LZTFL1: variants seen among roughly 807,000 people sequenced by gnomAD.
LZTFL1 encodes leucine zipper transcription factor like 1.
A neutral mutation model predicts 45.9 loss-of-function variants in LZTFL1; 25 were observed. That is an observed-to-expected ratio of 0.54 (90% CI 0.40 to 0.76). The LOEUF is 0.76. Among genes scored for constraint, LZTFL1 ranks in the 30% least tolerant of loss-of-function variants. The pLI, the probability that LZTFL1 is intolerant of heterozygous loss-of-function variation, is 0.00. For synonymous variants in LZTFL1, 93 were observed against 117.4 expected, an observed-to-expected ratio of 0.79 and a Z score of 1.35; for missense variants, 277 against 331.1, an observed-to-expected ratio of 0.84 and a Z score of 1.27.
In LZTFL1 at chr3:45,823,355, T is replaced by C. The variant is rs143077829; in HGVS notation, c.*2959A>G. ...ACAGTGGTTTTTTAATCTGTAAAAGTTAAAGGATGTATTATAGGCAAAAAA... is the reference window on the plus strand; with the variant it reads ...ACAGTGGTTTTTTAATCTGTAAAAGCTAAAGGATGTATTATAGGCAAAAAA... On this transcript the variant is annotated 3_prime_UTR_variant, in exon 10 of 10. Transcript: ENST00000296135. 3.2e-3 allele frequency: 485 copies of C among 152,312 alleles called. 3 individuals are homozygous for C. Among genetic ancestry groups the C allele is most frequent in the African/African-American group, 0.011 (465 of 41,562 alleles). 9.4% of individuals were successfully genotyped at this position (152,312 alleles called of 1,614,324 possible).
chr3:45,896,044 G>A (rs952507010), intron 2 of LZTFL1, among the ~76,000 whole-genome samples: 1 of 152,198 alleles, frequency 6.6e-6, no homozygotes, highest in Non-Finnish European at 1.5e-5. Context: ...TGATTCATTA[G>A]TATTACATAT....
At chr3:45,844,504 T>G (rs1701188249), upstream of LZTFL1, among the ~76,000 whole-genome samples, 1 of 152,110 alleles carries the variant, frequency 6.6e-6, no homozygotes, top group Non-Finnish European at 1.5e-5. Context: ...AAAGGTTATA[T>G]GGGAAAGAGA....
chr3:45,896,944 G>A (rs755943754), intron 2 of LZTFL1, among the ~76,000 whole-genome samples: 6 of 152,198 alleles, frequency 3.9e-5, no homozygotes, highest in Non-Finnish European at 8.8e-5. Context: ...GAACACATGA[G>A]CCAGAGAAGG....
At chr3:45,861,493 A>G (rs1287157602) in intron 2 of LZTFL1, among the ~76,000 whole-genome samples, 1 of 152,082 alleles carries the variant, frequency 6.6e-6, no homozygotes, top group African/African-American at 2.4e-5. Context: ...TACAGCTTTA[A>G]TGTGTGCTGA....
At position 45,824,933 on chromosome 3, in the gene LZTFL1, T is replaced by A. The variant is rs1575246730; in HGVS notation, c.*1381A>T. On this transcript the variant is annotated 3_prime_UTR_variant, in exon 10 of 10. Coordinates refer to ENST00000296135, the MANE Select transcript of LZTFL1 (RefSeq NM_020347.4). ...ATGCTGGCTCGTTATTGCATTTTAT[T>A]CTCTCCCTTCTCTCATCCATTCATC... is the stretch of plus-strand genomic sequence containing the variant. 6 of 398,400 alleles carry A rather than the reference T, an allele frequency of 1.5e-5. No individual in the cohort carries two copies. The East Asian group carries it at 2.1e-4, about 14-fold the overall frequency. 24.7% of individuals were successfully genotyped at this position (398,400 alleles called of 1,614,324 possible). A position where few individuals can be genotyped will look rare whatever the true frequency, so the allele number is the denominator to read the frequency against.
chr3:45,905,471 C>T (rs1702662032), intron 2 of LZTFL1, among the ~76,000 whole-genome samples: 1 of 152,264 alleles, frequency 6.6e-6, no homozygotes, highest in Non-Finnish European at 1.5e-5. Context: ...GTCCTCTCCA[C>T]ATATTTACTT....
intron 2 of LZTFL1, among the ~76,000 whole-genome samples, chr3:45,866,490 C>A (rs960894943): frequency 5.3e-5 from 8 of 152,214 alleles, no homozygotes; most frequent in African/African-American, 1.9e-4. Flanking sequence ...CTGCCTGATT[C>A]ACCAGCCGTA....
At chr3:45,829,548 G>A (rs1575251427) in intron 7 of LZTFL1, among the ~76,000 whole-genome samples, 1 of 142,234 alleles carries the variant, frequency 7.0e-6, no homozygotes, top group African/African-American at 2.6e-5. Context: ...AGGTTGTAGT[G>A]AGCCATGGTT....
At chr3:45,832,774 C>T (rs906283078) in intron 5 of LZTFL1, 2 of 256,184 alleles carry the variant, frequency 7.8e-6, no homozygotes, top group Non-Finnish European at 1.5e-5. Context: ...TCCTTGTTAC[C>T]GCAGATCACA....
At chr3:45,882,787 A>G (rs1312136936) in intron 2 of LZTFL1, among the ~76,000 whole-genome samples, 1 of 138,728 alleles carries the variant, frequency 7.2e-6, no homozygotes, top group East Asian at 2.2e-4. Flanking sequence ...TCCATAACCC[A>G]AAGGGGATAC....
At chr3:45,828,284 A>C (rs1261782626) in intron 8 of LZTFL1, among the ~76,000 whole-genome samples, 155 bp downstream of exon 8, 2 of 152,208 alleles carry the variant, frequency 1.3e-5, no homozygotes, top group African/African-American at 4.8e-5. Flanking sequence ...AGTGCCCGGA[A>C]ATGATTAATC....
intron 2 of LZTFL1, among the ~76,000 whole-genome samples, chr3:45,904,888 C>A (rs1432999548): frequency 2.0e-5 from 3 of 152,154 alleles, no homozygotes; most frequent in South Asian, 4.1e-4. Context: ...GGGTCCAGAA[C>A]AAAGCACAGC....
upstream of LZTFL1, among the ~76,000 whole-genome samples, chr3:45,843,085 GC>G (rs1483542376): frequency 6.6e-6 from 1 of 152,226 alleles, no homozygotes; most frequent in Non-Finnish European, 1.5e-5. Flanking sequence ...GAAGGCAGTG[GC>G]GTGGGTATGC....
intron 2 of LZTFL1, among the ~76,000 whole-genome samples, chr3:45,907,749 G>A (rs1316642159): frequency 6.6e-6 from 1 of 152,088 alleles, no homozygotes; most frequent in Non-Finnish European, 1.5e-5. Context: ...TTTGTAATTC[G>A]CTAGTATTCT....
rs1480033913 is a variant in LZTFL1 at position 45,825,096 on chromosome 3, A to G, written c.*1218T>C. On this transcript the variant is annotated 3_prime_UTR_variant, in exon 10 of 10. Coordinates refer to ENST00000296135, the MANE Select transcript of LZTFL1 (RefSeq NM_020347.4). ...ATTACTAAAAGCTTGAATAAAAATA[A>G]CAACAAGCCCTATGCTCCAATCAGT... 4 of 389,022 alleles carry G rather than the reference A, an allele frequency of 1.0e-5. No homozygotes were observed. The highest frequency in any genetic ancestry group is 1.8e-5 in the Non-Finnish European group (4 of 220,318). 24.1% of individuals were successfully genotyped at this position (389,022 alleles called of 1,614,324 possible).
chr3:45,910,599 G>C (rs1169331770), intron 2 of LZTFL1, among the ~76,000 whole-genome samples: 1 of 152,198 alleles, frequency 6.6e-6, no homozygotes, highest in East Asian at 1.9e-4. Context: ...GGGAAGTGAG[G>C]ATGTGGAAAG....
intron 2 of LZTFL1, among the ~76,000 whole-genome samples, chr3:45,893,080 T>A (rs145512200): frequency 6.6e-6 from 1 of 152,158 alleles, no homozygotes; most frequent in East Asian, 1.9e-4. Flanking sequence ...GTGAACATAT[T>A]TATCCCCCAC....
chr3:45,909,757 C>G (rs979271393), intron 2 of LZTFL1, among the ~76,000 whole-genome samples: 5 of 152,254 alleles, frequency 3.3e-5, no homozygotes, highest in Non-Finnish European at 7.3e-5. Flanking sequence ...GTGGGTGGCA[C>G]TTTCTCAGGG....
upstream of LZTFL1, chr3:45,842,219 A>T (rs2286487): frequency 0.081 from 112,356 of 1,393,864 alleles, 4,799 homozygotes; most frequent in Middle Eastern, 0.09. Flanking sequence ...GTTGACTGCC[A>T]CATGCGCATT....
Sources: gnomAD v4.1 joint callset for allele counts (sites outside exome capture counted in the v4.1 genomes callset) on GRCh38, gnomAD v4.1.1 for gene constraint, MANE v1.5 for transcripts, NCBI Gene and HGNC (gene_info 2026-07-23, HGNC 2026-07-21) for gene names.